Variants in ITGA3 observed in about 807,000 individuals in gnomAD.
ITGA3 encodes the protein integrin alpha-3.
A neutral mutation model predicts 131.1 loss-of-function variants in ITGA3; 70 were observed. The ratio of observed to expected loss-of-function variants is 0.53; its 90% CI spans 0.44 to 0.65. The LOEUF (loss-of-function observed/expected upper bound fraction) is 0.65. Ranked by LOEUF, ITGA3 falls within the 30% of genes least tolerant of loss-of-function variation. The probability of loss-of-function intolerance (pLI) is 0.00; values close to 1 mark genes in which losing one functional copy is unlikely to be tolerated. For synonymous variants in ITGA3, 537 were observed against 571.6 expected (o/e 0.94, Z 0.86); for missense variants, 1,098 against 1,388.6 (o/e 0.79, Z 3.33).
At chr17:50,078,993 T>C (rs980457242) in intron 19 of ITGA3, 67 bp downstream of exon 19, 1 of 1,514,342 alleles carries the variant, frequency 6.6e-7, no homozygotes, top group African/African-American at 1.4e-5. Context: ...TTCTCTGGGG[T>C]CTGAAGGTGG....
chr17:50,077,823 C>T (rs1467762775), intron 16 of ITGA3, among the ~76,000 whole-genome samples: 1 of 152,020 alleles, frequency 6.6e-6, no homozygotes, highest in Non-Finnish European at 1.5e-5. Context: ...GTTACCTGCT[C>T]AAGGTTATGT....
intron 4 of ITGA3, among the ~76,000 whole-genome samples, chr17:50,069,502 C>T (rs1746139476): frequency 6.6e-6 from 1 of 151,944 alleles, no homozygotes; most frequent in African/African-American, 2.4e-5. Context: ...CTTGTCTCTA[C>T]AAAAAATTTA....
intron 24 of ITGA3, 128 bp from the exon 25 acceptor site, chr17:50,088,097 A>G: frequency 7.5e-7 from 1 of 1,328,782 alleles, no homozygotes; most frequent in East Asian, 2.5e-5. Flanking sequence ...TTCTGACCAC[A>G]CCACCAAGCT....
rs148517427 is a variant in ITGA3 at position 50,073,577 on chromosome 17, C to T, written c.1157-339C>T. On this transcript the variant is annotated intron_variant, in intron 7 of 25. Transcript: ENST00000320031. The stretch of plus-strand genomic sequence containing the variant: ...CTGCACTCCAGCCTGGGTCACAGAG[C>T]GAGACACTGTCTATAAACACACACA... Among the ~76,000 whole-genome samples, 9 of 146,730 alleles carry T rather than the reference C, an allele frequency of 6.1e-5. No homozygotes were observed. The East Asian group carries it at 1.2e-3, about 20-fold the overall frequency.
chr17:50,068,289 TG>T lies in ITGA3; in HGVS notation c.649del (p.Ala217ProfsTer10). ...ACACTGTGTACTTCGGCGCCCCCGG[TG>T]CCTACAACTGGAAAGGTGGGGACCA... The part of the protein sequence containing the change: ...QNTVYFGAPG[A>X]YNWKGNSYMI... On this transcript the variant is annotated frameshift_variant, in exon 4 of 26. Coordinates refer to ENST00000320031, the MANE Select transcript of ITGA3 (RefSeq NM_002204.4). LOFTEE classifies it high-confidence loss of function. 1 of 1,613,218 alleles carries T rather than the reference TG, an allele frequency of 6.2e-7. No individual in the cohort carries two copies. Among genetic ancestry groups the T allele is most frequent in the East Asian group, 2.2e-5 (1 of 44,876 alleles).
chr17:50,081,386 A>T lies in ITGA3; in HGVS notation c.2897A>T (p.Asn966Ile), dbSNP rs772505885. The change falls in exon 23 of 26, where the codon AAC becomes ATC. Residue 966 changes from asparagine to isoleucine, a missense_variant. By Grantham distance (149) the Asn-to-Ile change is moderately radical. Around this residue, in one of 3 missense-constraint regions of ITGA3, gnomAD observed 699 missense variants for 829.2 expected, o/e 0.84. Coordinates refer to ENST00000320031, the MANE Select transcript of ITGA3 (RefSeq NM_002204.4). ...CTCCGAACCAGCATCCCCACCATCA[A>T]CATGGAGAACAAGACCACGTGGGTG... ...LFLRTSIPTI[N>I]MENKTTWFSV... is the part of the protein sequence containing the mutation. 4 of 1,584,366 alleles carry T rather than the reference A, an allele frequency of 2.5e-6. No individual in the cohort carries two copies. The highest frequency in any genetic ancestry group is 3.4e-6 in the Non-Finnish European group (4 of 1,163,338).
chr17:50,080,666 T>A (rs570110192), intron 22 of ITGA3, among the ~76,000 whole-genome samples: 1 of 152,244 alleles, frequency 6.6e-6, no homozygotes, highest in East Asian at 1.9e-4. Context: ...CTTTTATCTC[T>A]GCGTGTAAAC....
rs1208111095 is a variant in ITGA3 at position 50,076,619 on chromosome 17, G to A, written c.1860G>A (p.Lys620=). ...QFQKECGPDN[K]CESNLQMRAA... is the part of the protein sequence containing the mutation. ...AGAAGGAGTGCGGGCCTGACAACAA[G>A]TGTGAGAGCAACTTGCAGATGCGGG... The change falls in exon 14 of 26, where the codon AAG becomes AAA. Residue 620 remains lysine, a synonymous_variant. Coordinates refer to ENST00000320031, the MANE Select transcript of ITGA3 (RefSeq NM_002204.4). 6.2e-7 allele frequency: 1 copy of A among 1,613,690 alleles called. No individual in the cohort carries two copies. Among genetic ancestry groups the A allele is most frequent in the Admixed American group, 1.7e-5 (1 of 60,032 alleles).
intron 3 of ITGA3, among the ~76,000 whole-genome samples, chr17:50,067,819 C>A (rs1207551331): frequency 6.6e-6 from 1 of 151,790 alleles, no homozygotes; most frequent in Non-Finnish European, 1.5e-5. Context: ...TTGCTGAGAT[C>A]TCTAAGCCAC....
At chr17:50,072,206 A>C (rs1908664085) in intron 7 of ITGA3, 24 bp downstream of exon 7, 2 of 1,593,822 alleles carry the variant, frequency 1.3e-6, no homozygotes, top group African/African-American at 2.7e-5. Flanking sequence ...CTCCTCCCCC[A>C]GCACCCCTCC....
intron 1 of ITGA3, among the ~76,000 whole-genome samples, chr17:50,062,681 A>C (rs3785926): frequency 6.2e-4 from 73 of 118,314 alleles, no homozygotes; most frequent in African/African-American, 2.0e-3. Flanking sequence ...CAGGCCCTGC[A>C]CTGCCCTGCC....
chr17:50,068,560 GCACATTCATGGCTCAC>G (rs1908446189), intron 4 of ITGA3, among the ~76,000 whole-genome samples: 1 of 152,150 alleles, frequency 6.6e-6, no homozygotes, highest in African/African-American at 2.4e-5. Context: ...GAGTGCAGTG[GCACATTCATGGCTCAC>G]TGCAGCCTCG....
chr17:50,072,912 C>T (rs1261718585), intron 7 of ITGA3, among the ~76,000 whole-genome samples: 3 of 152,092 alleles, frequency 2.0e-5, no homozygotes, highest in Non-Finnish European at 2.9e-5. Flanking sequence ...GAGTCAGTGC[C>T]ATGGGGGCAC....
At position 50,089,898 on chromosome 17, in the gene ITGA3, G is replaced by T. The variant is rs963489070; in HGVS notation, c.*820G>T. On this transcript the variant is annotated 3_prime_UTR_variant, in exon 26 of 26. Transcript: ENST00000320031. ...GCTTGCTTTCCTGCATCTCTGTGAA[G>T]CCTCTCTCCTTGGCCACAGACTGAA... 4 of 188,512 alleles carry T rather than the reference G, an allele frequency of 2.1e-5. No homozygotes were observed. In the East Asian group the frequency reaches 4.3e-4, roughly 20 times the overall value. 11.7% of individuals were successfully genotyped at this position (188,512 alleles called of 1,614,324 possible).
chr17:50,077,979 C>T, intron 16 of ITGA3, 67 bp from the exon 17 acceptor site: 1 of 1,343,596 alleles, frequency 7.4e-7, no homozygotes, highest in Non-Finnish European at 1.1e-6. Context: ...GCATCCCCTC[C>T]TTCCCCATGA....
intron 10 of ITGA3, among the ~76,000 whole-genome samples, chr17:50,075,077 G>A (rs1330159692): frequency 6.6e-6 from 1 of 152,216 alleles, no homozygotes; most frequent in Non-Finnish European, 1.5e-5. Flanking sequence ...TTAAGTGAAT[G>A]AGGATTTTGG....
chr17:50,080,463 G>GGGGTGTGTGT (rs878979814), intron 22 of ITGA3, 88 bp downstream of exon 22: 4 of 506,254 alleles, frequency 7.9e-6, no homozygotes, highest in East Asian at 7.3e-5. Context: ...TCATAGCATG[G>GGGGTGTGTGT]GTGTGTGTGT....
At chr17:50,078,992 G>A in intron 19 of ITGA3, 66 bp downstream of exon 19, 1 of 1,512,536 alleles carries the variant, frequency 6.6e-7, no homozygotes, top group Non-Finnish European at 9.2e-7. Flanking sequence ...TTTCTCTGGG[G>A]TCTGAAGGTG....
At chr17:50,058,147 T>C (rs1245320955) in intron 1 of ITGA3, among the ~76,000 whole-genome samples, 1 of 152,280 alleles carries the variant, frequency 6.6e-6, no homozygotes, top group Non-Finnish European at 1.5e-5. Context: ...GCAACCCTTT[T>C]GCCTGGTGAC....
Sources: allele counts gnomAD v4.1 joint callset (sites outside exome capture counted in the v4.1 genomes callset), GRCh38; gene constraint gnomAD v4.1.1; regional missense constraint gnomAD v4.1.1; transcripts MANE v1.5; gene names NCBI Gene and HGNC (gene_info 2026-07-23, HGNC 2026-07-21).